COL11A1: variants seen among roughly 807,000 people sequenced by gnomAD.
COL11A1 encodes the protein collagen alpha-1(XI) chain.
COL11A1 carries 74 observed loss-of-function variants against 265.2 expected under a neutral mutation model. The ratio of observed to expected loss-of-function variants is 0.28; its 90% confidence interval spans 0.23 to 0.34. COL11A1 has a LOEUF of 0.34. Ranked by LOEUF, COL11A1 falls within the 10% of genes least tolerant of loss-of-function variation. COL11A1 has a pLI of 1.00. For synonymous variants in COL11A1, 816 were observed against 727.6 expected (o/e 1.12, Z -1.96); for missense variants, 2,165 against 2,263.6 (o/e 0.96, Z 0.88).
intron 57 of COL11A1, among the ~76,000 whole-genome samples, chr1:102,897,129 A>G (rs1652524739): frequency 6.6e-6 from 1 of 152,014 alleles, no homozygotes; most frequent in Non-Finnish European, 1.5e-5. Flanking sequence ...AAACTTATGA[A>G]ATATTTGGTA....
At chr1:102,895,072 C>T (rs1652252134) in intron 57 of COL11A1, among the ~76,000 whole-genome samples, 1 of 152,070 alleles carries the variant, frequency 6.6e-6, no homozygotes, top group South Asian at 2.1e-4. Context: ...TGTTTATAAA[C>T]AAGTTTTTTA....
chr1:103,096,468 T>A (rs965144584), intron 1 of COL11A1, among the ~76,000 whole-genome samples: 2 of 151,962 alleles, frequency 1.3e-5, no homozygotes, highest in African/African-American at 4.8e-5. Flanking sequence ...AGAACAGGTT[T>A]CAGGAGAGGA....
Position 102,995,999 on chromosome 1 carries a change from C to A in COL11A1, c.2285G>T (p.Arg762Leu), listed in dbSNP as rs758825857. The change falls in exon 27 of 67, where the codon CGG becomes CTG. Residue 762 changes from arginine (R) to leucine (L), a missense_variant. Transcript: ENST00000370096. Reference protein sequence around the residue: ...PQGPIGYPGPRGVKGADGVRG... With the variant: ...PQGPIGYPGPLGVKGADGVRG... ...ACAATTTAACGTTACCTTTACTCCC[C>A]GGGGGCCCGGGTATCCAATAGGACC... The A allele has an allele frequency of 3.1e-6, 5 of 1,613,258 alleles. No individual in the cohort carries two copies. The South Asian group carries it at 5.5e-5, about 18-fold the overall frequency.
At chr1:102,918,097 C>A (rs1357157033) in intron 49 of COL11A1, among the ~76,000 whole-genome samples, 11 of 151,338 alleles carry the variant, frequency 7.3e-5, no homozygotes, top group Non-Finnish European at 1.6e-4. Context: ...TACCAAAATG[C>A]TACAAACTAT....
At chr1:103,023,569 C>T (rs1571070801) in intron 7 of COL11A1, among the ~76,000 whole-genome samples, 1 of 152,008 alleles carries the variant, frequency 6.6e-6, no homozygotes, top group African/African-American at 2.4e-5. Flanking sequence ...GTTGATCAGG[C>T]TGGTCTCGAA....
chr1:103,097,155 C>T (rs183531821), intron 1 of COL11A1, among the ~76,000 whole-genome samples: 27 of 152,060 alleles, frequency 1.8e-4, no homozygotes, highest in African/African-American at 4.3e-4. Flanking sequence ...GTGTTGATAT[C>T]GAAGTATGCA....
intron 31 of COL11A1, among the ~76,000 whole-genome samples, chr1:102,982,848 T>A (rs943900827): frequency 6.6e-6 from 1 of 152,200 alleles, no homozygotes; most frequent in East Asian, 1.9e-4. Context: ...CTCCCATAAT[T>A]ACATGTGAAA....
intron 52 of COL11A1, 59 bp from the exon 53 acceptor site, chr1:102,913,749 C>T (rs1173669874): frequency 3.4e-6 from 5 of 1,467,738 alleles, no homozygotes; most frequent in East Asian, 2.3e-5. Context: ...AATCACACTA[C>T]TTATCAGGAA....
intron 4 of COL11A1, among the ~76,000 whole-genome samples, chr1:103,044,486 C>T (rs569973756): frequency 6.6e-6 from 1 of 152,066 alleles, no homozygotes; most frequent in African/African-American, 2.4e-5. Context: ...ACAGAAAATG[C>T]CAAAAGTTGG....
intron 50 of COL11A1, 70 bp downstream of exon 50, chr1:102,915,561 A>C (rs1345738945): frequency 3.1e-6 from 4 of 1,304,350 alleles, no homozygotes; most frequent in Non-Finnish European, 4.5e-6. Context: ...GAGTTGTTAC[A>C]TGTTTGTAAT....
At chr1:102,979,559 T>C (rs1212943051) in intron 31 of COL11A1, 124 bp from the exon 32 acceptor site, 1 of 740,606 alleles carries the variant, frequency 1.4e-6, no homozygotes, top group African/African-American at 1.7e-5. Flanking sequence ...AATATAGAAA[T>C]TTTAAGATAT....
intron 11 of COL11A1, 76 bp from the exon 12 acceptor site, chr1:103,015,818 G>A (rs1224287562): frequency 2.5e-5 from 27 of 1,097,648 alleles, no homozygotes; most frequent in South Asian, 7.2e-5. Flanking sequence ...AACTTATAAC[G>A]TAAGTCTACT....
chr1:102,981,091 A>C (rs908457036), intron 31 of COL11A1, among the ~76,000 whole-genome samples: 1 of 152,176 alleles, frequency 6.6e-6, no homozygotes, highest in Non-Finnish European at 1.5e-5. Context: ...GCCCTATGGC[A>C]GCTGATAGTC....
chr1:103,000,139 T>C (rs1664976565), intron 24 of COL11A1, among the ~76,000 whole-genome samples: 1 of 151,920 alleles, frequency 6.6e-6, no homozygotes, highest in Non-Finnish European at 1.5e-5. Flanking sequence ...AATAATCTAG[T>C]ACATACATGA....
At chr1:102,904,786 A>G (rs1192452551) in intron 54 of COL11A1, among the ~76,000 whole-genome samples, 4 of 151,856 alleles carry the variant, frequency 2.6e-5, no homozygotes, top group African/African-American at 9.7e-5. Context: ...GGGACTGTAA[A>G]CTAGTTCAAC....
At chr1:103,088,207 C>T (rs1444188298) in intron 1 of COL11A1, among the ~76,000 whole-genome samples, 1 of 152,184 alleles carries the variant, frequency 6.6e-6, no homozygotes, top group Admixed American at 6.5e-5. Context: ...CGCATCATTA[C>T]AGTGTTAAAG....
At chr1:103,097,776 T>G (rs754045000) in intron 1 of COL11A1, among the ~76,000 whole-genome samples, 1 of 151,998 alleles carries the variant, frequency 6.6e-6, no homozygotes, top group Non-Finnish European at 1.5e-5. Flanking sequence ...AATAAGTAAA[T>G]GAATGATTGC....
chr1:102,939,642 T>A (rs1437215016), intron 43 of COL11A1, among the ~76,000 whole-genome samples: 1 of 151,970 alleles, frequency 6.6e-6, no homozygotes, highest in Non-Finnish European at 1.5e-5. Context: ...AGTTTGAGGC[T>A]GCAGTGAGCC....
intron 30 of COL11A1, among the ~76,000 whole-genome samples, chr1:102,985,044 TA>T (rs1006557753): frequency 6.6e-6 from 1 of 151,752 alleles, no homozygotes; most frequent in Non-Finnish European, 1.5e-5. Context: ...GGTAAAAAGA[TA>T]AAAAAAGAAT....
Sources: allele counts gnomAD v4.1 joint callset (sites outside exome capture counted in the v4.1 genomes callset), GRCh38; gene constraint gnomAD v4.1.1; transcripts MANE v1.5; gene names NCBI Gene and HGNC (gene_info 2026-07-23, HGNC 2026-07-21).